CNTN6: variants seen among roughly 807,000 people sequenced by gnomAD.
CNTN6 encodes the protein contactin-6.
A neutral mutation model predicts 122.8 loss-of-function variants in CNTN6; 137 were observed. The ratio of observed to expected loss-of-function variants is 1.12; its 90% CI spans 0.97 to 1.29. The LOEUF is 1.29. Among genes scored for constraint, CNTN6 ranks in the 50% most tolerant of loss-of-function variants. The pLI, the probability that CNTN6 is intolerant of heterozygous loss-of-function variation, is 0.00. For missense variants in CNTN6, 1,634 were observed against 1,223.4 expected, an observed-to-expected ratio of 1.34 and a Z score of -5.01; for synonymous variants, 570 against 426.0, an observed-to-expected ratio of 1.34 and a Z score of -4.16.
At chr3:1,370,999 TA>T (rs1708938634) in intron 12 of CNTN6, among the ~76,000 whole-genome samples, 1 of 152,220 alleles carries the variant, frequency 6.6e-6, no homozygotes, top group Non-Finnish European at 1.5e-5. Flanking sequence ...CGTGTGTTTT[TA>T]TTTTTTCATG....
chr3:1,095,116 A>G (rs995187558), intron 1 of CNTN6, among the ~76,000 whole-genome samples: 10 of 152,150 alleles, frequency 6.6e-5, no homozygotes, highest in African/African-American at 2.2e-4. Flanking sequence ...AAATATTTAG[A>G]TAATATAGTC....
chr3:1,125,939 T>C (rs2092143360), intron 1 of CNTN6, among the ~76,000 whole-genome samples: 1 of 151,920 alleles, frequency 6.6e-6, no homozygotes, highest in Non-Finnish European at 1.5e-5. Context: ...TTGCTTTTAG[T>C]TTCAGTTTGG....
chr3:1,209,434 G>T (rs1171230097), intron 2 of CNTN6, among the ~76,000 whole-genome samples: 1 of 152,172 alleles, frequency 6.6e-6, no homozygotes, highest in Non-Finnish European at 1.5e-5. Context: ...GTGTTACCTA[G>T]AGTAAGAGGC....
chr3:1,355,569 T>C (rs1706412906), intron 12 of CNTN6, among the ~76,000 whole-genome samples: 1 of 151,800 alleles, frequency 6.6e-6, no homozygotes, highest in African/African-American at 2.4e-5. Context: ...TGGTTGTTTC[T>C]TAAGATGGCT....
At chr3:1,399,249 A>C (rs1268067559) in intron 20 of CNTN6, among the ~76,000 whole-genome samples, 1 of 152,132 alleles carries the variant, frequency 6.6e-6, no homozygotes, top group Non-Finnish European at 1.5e-5. Context: ...TAGATATTAA[A>C]ATTGCAATAT....
rs578067406 is a variant in CNTN6, at chr3:1,266,259, T to G, written c.359-12154T>G. ...TCCTTATCACTGAACCTAATTCTCC[T>G]TAGTGCTGAGCTGGAGAAAGCTACA... On this transcript the variant is annotated intron_variant, in intron 4 of 22. Transcript: ENST00000446702. Among the ~76,000 whole-genome samples the G allele has an allele frequency of 2.6e-5, 4 of 152,310 alleles. No homozygotes were observed. In the South Asian group the frequency reaches 8.3e-4, roughly 32 times the overall value.
chr3:1,275,803 C>T (rs1559680650), intron 4 of CNTN6, among the ~76,000 whole-genome samples: 1 of 151,740 alleles, frequency 6.6e-6, no homozygotes, highest in African/African-American at 2.4e-5. Context: ...GCTGATCTAA[C>T]AGGGGGCAGA....
chr3:1,268,052 G>T (rs2094954655), intron 4 of CNTN6, among the ~76,000 whole-genome samples: 1 of 152,182 alleles, frequency 6.6e-6, no homozygotes, highest in African/African-American at 2.4e-5. Context: ...TTGCCCCAAA[G>T]AAATCTCTTT....
At position 1,260,709 on chromosome 3, in the gene CNTN6, C is replaced by G. The variant is rs567508511; in HGVS notation, c.359-17704C>G. On this transcript the variant is annotated intron_variant, in intron 4 of 22. Coordinates refer to ENST00000446702, the MANE Select transcript of CNTN6 (RefSeq NM_001289080.2). ...AATCATGGGGGCGGTTACCCTCATG[C>G]TGTTCTCTTGATAATGAGTTCTCAC... Among the ~76,000 whole-genome samples the G allele has an allele frequency of 6.6e-5, 10 of 152,098 alleles. 1 individual carries two copies. In the East Asian group the frequency reaches 9.7e-4, roughly 15 times the overall value.
intron 1 of CNTN6, among the ~76,000 whole-genome samples, chr3:1,120,140 T>C (rs2091895627): frequency 6.6e-6 from 1 of 151,998 alleles, no homozygotes; most frequent in South Asian, 2.1e-4. Context: ...TTTGGTTTTT[T>C]TCAAGTTTGG....
At chr3:1,113,490 C>T (rs191115869) in intron 1 of CNTN6, among the ~76,000 whole-genome samples, 151 of 152,032 alleles carry the variant, frequency 9.9e-4, no homozygotes, top group African/African-American at 3.4e-3. Context: ...ATAGATTGCT[C>T]AATATGCGAA....
chr3:1,102,921 C>T (rs1320212834), intron 1 of CNTN6, among the ~76,000 whole-genome samples: 1 of 150,800 alleles, frequency 6.6e-6, no homozygotes, highest in South Asian at 2.1e-4. Context: ...TCCTGGCTAA[C>T]ACGGTGAAAC....
At chr3:1,246,500 A>C (rs1317300155) in intron 4 of CNTN6, among the ~76,000 whole-genome samples, 1 of 152,126 alleles carries the variant, frequency 6.6e-6, no homozygotes, top group Admixed American at 6.6e-5. Context: ...TTATTCTTGC[A>C]CATATCTTTT....
At chr3:1,391,172 C>T (rs1476226556) in intron 20 of CNTN6, among the ~76,000 whole-genome samples, 1 of 85,638 alleles carries the variant, frequency 1.2e-5, no homozygotes, top group Non-Finnish European at 2.3e-5. Context: ...ACTGGCAAAA[C>T]GAATCCAGCA....
chr3:1,332,262 C>T (rs1243951009), intron 11 of CNTN6, among the ~76,000 whole-genome samples: 4 of 151,938 alleles, frequency 2.6e-5, no homozygotes, highest in South Asian at 2.1e-4. Flanking sequence ...ACACAGTTAA[C>T]TCCATGAGTC....
intron 17 of CNTN6, among the ~76,000 whole-genome samples, chr3:1,377,657 A>G (rs891418894): frequency 2.0e-5 from 3 of 152,126 alleles, no homozygotes; most frequent in African/African-American, 7.2e-5. Context: ...AAAGTTTCTC[A>G]TTTTCAGTAT....
chr3:1,188,766 G>T (rs2093661917), intron 2 of CNTN6, among the ~76,000 whole-genome samples: 1 of 152,178 alleles, frequency 6.6e-6, no homozygotes, highest in Non-Finnish European at 1.5e-5. Context: ...AGAACAGCAG[G>T]TTTCCTCCCA....
chr3:1,300,011 C>T (rs1282007888), intron 7 of CNTN6, among the ~76,000 whole-genome samples: 1 of 151,996 alleles, frequency 6.6e-6, no homozygotes, highest in Non-Finnish European at 1.5e-5. Flanking sequence ...GAGTCTTGCT[C>T]TGTTGCTCAG....
intron 10 of CNTN6, among the ~76,000 whole-genome samples, chr3:1,328,587 T>C (rs1701850625): frequency 6.6e-6 from 1 of 151,850 alleles, no homozygotes; most frequent in African/African-American, 2.4e-5. Flanking sequence ...ATTTAAAATA[T>C]GGCAATTCTT....
Sources: gnomAD v4.1 joint callset for allele counts (sites outside exome capture counted in the v4.1 genomes callset) on GRCh38, gnomAD v4.1.1 for gene constraint, MANE v1.5 for transcripts, NCBI Gene and HGNC (gene_info 2026-07-23, HGNC 2026-07-21) for gene names.